POGLUT2: variants seen among roughly 807,000 people sequenced by gnomAD.
The protein encoded by POGLUT2 is ER protein 58.
A neutral mutation model predicts 57.6 loss-of-function variants in POGLUT2; 47 were observed. That is an observed-to-expected ratio of 0.82 (90% CI 0.65 to 1.04). POGLUT2 has a LOEUF of 1.04. Among genes scored for constraint, POGLUT2 ranks in the 50% least tolerant of loss-of-function variants. The pLI, the probability that POGLUT2 is intolerant of heterozygous loss-of-function variation, is 0.00. For missense variants in POGLUT2, 565 were observed against 614.8 expected (o/e 0.92, Z 0.86); for synonymous variants, 200 against 218.8 (o/e 0.91, Z 0.76).
In POGLUT2 at chr13:102,798,617, GAGTGCTGGAACT is replaced by G; in HGVS notation, c.42_53del (p.Val15_Leu18del). 3 of 1,613,300 alleles carry G rather than the reference GAGTGCTGGAACT, an allele frequency of 1.9e-6. No individual in the cohort carries two copies. The highest frequency in any genetic ancestry group is 2.5e-6 in the Non-Finnish European group (3 of 1,179,584). ...GCTGCCTTTCTCCGCCGGTCTCGGC[GAGTGCTGGAACT>G]GTCGCCAGAAAGAAGCAATAAAGTA... On this transcript the variant is annotated inframe_deletion, in exon 1 of 10. Coordinates refer to ENST00000376004, the MANE Select transcript of POGLUT2 (RefSeq NM_024089.3).
intron 8 of POGLUT2, among the ~76,000 whole-genome samples, chr13:102,787,342 C>T (rs965109290): frequency 1.3e-5 from 2 of 152,148 alleles, no homozygotes; most frequent in Non-Finnish European, 2.9e-5. Flanking sequence ...CCACCGCACC[C>T]GGCCTACTAC....
Position 102,784,473 on chromosome 13 carries a change from C to A in POGLUT2, c.*22G>T, listed in dbSNP as rs747570772. ...GAAGAGTCTTCAGAGCACCATTATT[C>A]TAATAGAAGTTATTTTGCATATCAG... is the stretch of plus-strand genomic sequence containing the variant. On this transcript the variant is annotated 3_prime_UTR_variant, in exon 10 of 10. Transcript: ENST00000376004. The A allele has an allele frequency of 6.8e-7, 1 of 1,468,386 alleles. No individual in the cohort carries two copies. The highest frequency in any genetic ancestry group is 1.2e-5 in the South Asian group (1 of 86,378). The allele number at this position is 1,468,386 out of a possible 1,614,324, so 91.0% of individuals were successfully genotyped here.
Position 102,791,071 on chromosome 13 carries a change from C to T in POGLUT2, c.913G>A (p.Ala305Thr). 6.2e-7 allele frequency: 1 copy of T among 1,614,178 alleles called. No individual in the cohort carries two copies. Among genetic ancestry groups the T allele is most frequent in the Non-Finnish European group, 8.5e-7 (1 of 1,180,024 alleles). Residue 305 changes from alanine (A) to threonine (T), a missense_variant, in exon 6 of 10, where the codon GCC becomes ACC. By Grantham distance (58) the Ala-to-Thr change is moderately conservative. Coordinates refer to ENST00000376004, the MANE Select transcript of POGLUT2 (RefSeq NM_024089.3). ...GPPWESKNST[A>T]VWRGRDSRKE... ...CGGCTGTCTCGCCCTCTCCAGACGG[C>T]AGTGGAATTTTTGCTTTCCCAGGGA...
At chr13:102,796,386 C>A (rs572554099) in intron 2 of POGLUT2, among the ~76,000 whole-genome samples, 3 of 148,946 alleles carry the variant, frequency 2.0e-5, no homozygotes, top group South Asian at 4.2e-4. Context: ...GACAAAAAAA[C>A]AACCACCAGT....
intron 8 of POGLUT2, 121 bp downstream of exon 8, chr13:102,787,713 C>G: frequency 2.2e-6 from 1 of 455,816 alleles, no homozygotes; most frequent in Non-Finnish European, 3.8e-6. Flanking sequence ...TGATTTTCAT[C>G]CACAGAAGTA....
chr13:102,791,199 A>G lies in POGLUT2; in HGVS notation c.845+59T>C, dbSNP rs1878156448. ...TCATCATATCACAAAGGTTGTTGCA[A>G]AAGAACTCACCAAAGAAAGAAAACC... is the stretch of plus-strand genomic sequence containing the variant. On this transcript the variant is annotated intron_variant, in intron 5 of 9. Transcript: ENST00000376004. 9.3e-6 allele frequency: 15 copies of G among 1,605,184 alleles called. No individual in the cohort carries two copies. The South Asian group carries it at 1.7e-4, about 18-fold the overall frequency.
chr13:102,796,796 C>T lies in POGLUT2; in HGVS notation c.388+8G>A. On this transcript the variant is annotated splice_region_variant and intron_variant, in intron 2 of 9. Transcript: ENST00000376004. ...ATACTGCTGTTATAAAATTATATTC[C>T]AAATTACCTTTTAAAATATATGGGG... is the stretch of plus-strand genomic sequence containing the variant. 2 of 1,489,176 alleles carry T rather than the reference C, an allele frequency of 1.3e-6. No individual in the cohort carries two copies. Among genetic ancestry groups the T allele is most frequent in the African/African-American group, 1.4e-5 (1 of 70,364 alleles). The allele number at this position is 1,489,176 out of a possible 1,614,324, so 92.2% of individuals were successfully genotyped here.
chr13:102,793,258 T>C, intron 4 of POGLUT2, 83 bp downstream of exon 4: 1 of 421,656 alleles, frequency 2.4e-6, no homozygotes, highest in East Asian at 3.6e-5. Context: ...ACCCTGATAG[T>C]GTATAATTTG....
intron 2 of POGLUT2, among the ~76,000 whole-genome samples, chr13:102,794,730 C>T (rs76996758): frequency 2.0e-5 from 3 of 152,050 alleles, no homozygotes; most frequent in African/African-American, 7.2e-5. Flanking sequence ...GCTCATTATT[C>T]CTTATGTTTT....
chr13:102,792,794 A>AT (rs1240625139), intron 4 of POGLUT2, among the ~76,000 whole-genome samples: 3 of 151,734 alleles, frequency 2.0e-5, no homozygotes, highest in Non-Finnish European at 2.9e-5. Context: ...TGACACTTTA[A>AT]TTTTTTTTGG....
Position 102,789,154 on chromosome 13 carries a change from T to A in POGLUT2, c.1151A>T (p.Asp384Val). ...GGAATCCTGCTTCAGCACAACACTG[T>A]CACCAACTAGCAAATATGGCAGGCG... ...AYRLPYLLVGDSVVLKQDSIY... is the reference protein window; with the variant it reads ...AYRLPYLLVGVSVVLKQDSIY... The change falls in exon 7 of 10, where the codon GAC (aspartate) becomes GTC (valine). Residue 384 changes from aspartate to valine, a missense_variant. By Grantham distance (152) the Asp-to-Val change is radical (BLOSUM62 -3). Transcript: ENST00000376004. 2 of 1,614,182 alleles carry A rather than the reference T, an allele frequency of 1.2e-6. No individual in the cohort carries two copies. The highest frequency in any genetic ancestry group is 1.7e-6 in the Non-Finnish European group (2 of 1,180,004).
At position 102,790,931 on chromosome 13, in the gene POGLUT2, C is replaced by T. The variant is rs1878141044; in HGVS notation, c.1053G>A (p.Val351=). The change falls in exon 6 of 10, where the codon GTG becomes GTA. Residue 351 remains valine (V), a synonymous_variant. Coordinates refer to ENST00000376004, the MANE Select transcript of POGLUT2 (RefSeq NM_024089.3). ...AGAAATCAAAAAATGAAATATGTTT[C>T]ACAATGGGACCATACAGGTTTTCAT... ...KHDENLYGPI[V]KHISFFDFFK... 1 of 1,611,274 alleles carries T rather than the reference C, an allele frequency of 6.2e-7. No individual in the cohort carries two copies. The highest frequency in any genetic ancestry group is 1.7e-5 in the Admixed American group (1 of 59,986).
In POGLUT2 at chr13:102,788,569, C is replaced by G. The variant is rs138900201; in HGVS notation, c.1293+443G>C. Among the ~76,000 whole-genome samples the G allele has an allele frequency of 4.6e-3, 699 of 152,196 alleles. 6 individuals are homozygous for G. Among genetic ancestry groups the G allele is most frequent in the African/African-American group, 0.016 (655 of 41,504 alleles). ...TGGTGTGGTCTCGGCTCACTGCAAC[C>G]TCCGCCTCCCAGGTTCAAGTGATTC... On this transcript the variant is annotated intron_variant, in intron 7 of 9. Transcript: ENST00000376004.
At position 102,798,948 on chromosome 13, in the gene POGLUT2, G is replaced by C; in HGVS notation, c.-278C>G. 2.4e-6 allele frequency: 1 copy of C among 418,278 alleles called. No individual in the cohort carries two copies. Among genetic ancestry groups the C allele is most frequent in the Non-Finnish European group, 4.2e-6 (1 of 237,756 alleles). The allele number at this position is 418,278 out of a possible 1,614,324, so 25.9% of individuals were successfully genotyped here. ...TCTCTCTCAGGACAATGATGAACTT[G>C]AGTTGCTCCTGCCACTGGAGCATCA... On this transcript the variant is annotated 5_prime_UTR_variant, in exon 1 of 10. Transcript: ENST00000376004.
chr13:102,798,707 T>C lies in POGLUT2; in HGVS notation c.-37A>G, dbSNP rs772584620. The C allele has an allele frequency of 6.5e-7, 1 of 1,549,418 alleles. No individual in the cohort carries two copies. Among genetic ancestry groups the C allele is most frequent in the Non-Finnish European group, 8.7e-7 (1 of 1,145,220 alleles). On this transcript the variant is annotated 5_prime_UTR_variant, in exon 1 of 10. Coordinates refer to ENST00000376004, the MANE Select transcript of POGLUT2 (RefSeq NM_024089.3). The stretch of plus-strand genomic sequence containing the variant: ...ACTCTCGAAATGATCCACCGATAAA[T>C]GAAGAAGTGTAAGAGGTGGACAGAA...
intron 8 of POGLUT2, among the ~76,000 whole-genome samples, chr13:102,787,042 T>C (rs1170981654): frequency 1.3e-5 from 2 of 152,042 alleles, no homozygotes; most frequent in East Asian, 3.8e-4. Flanking sequence ...TTGTTTTTTT[T>C]TTTTTGTTTG....
chr13:102,788,110 A>C (rs1878022918), intron 7 of POGLUT2, among the ~76,000 whole-genome samples, 187 bp from the exon 8 acceptor site: 1 of 152,220 alleles, frequency 6.6e-6, no homozygotes, highest in South Asian at 2.1e-4. Context: ...GAGGTTTCTA[A>C]GACTTAAAAG....
At chr13:102,796,574 G>A (rs568588589) in intron 2 of POGLUT2, among the ~76,000 whole-genome samples, 1 of 150,000 alleles carries the variant, frequency 6.7e-6, no homozygotes, top group African/African-American at 2.4e-5. Flanking sequence ...CTACTAATAT[G>A]TTCCTTGCTC....
intron 1 of POGLUT2, among the ~76,000 whole-genome samples, chr13:102,797,858 G>A (rs1014794062): frequency 1.3e-5 from 2 of 152,158 alleles, no homozygotes; most frequent in African/African-American, 2.4e-5. Flanking sequence ...TTTTATTCCA[G>A]TATTTTTTTC....
Sources: allele counts gnomAD v4.1 joint callset (sites outside exome capture counted in the v4.1 genomes callset), GRCh38; gene constraint gnomAD v4.1.1; transcripts MANE v1.5; gene names NCBI Gene and HGNC (gene_info 2026-07-23, HGNC 2026-07-21).